ARHGAP44: variants seen among roughly 807,000 people sequenced by gnomAD.
ARHGAP44 encodes the protein Rho GTPase activating protein 44.
ARHGAP44 carries 43 observed loss-of-function variants against 106.8 expected under a neutral mutation model. That is an observed-to-expected ratio of 0.40 (90% CI 0.32 to 0.52). The LOEUF (loss-of-function observed/expected upper bound fraction) is 0.52. Among genes scored for constraint, ARHGAP44 ranks in the 20% least tolerant of loss-of-function variants. The probability of loss-of-function intolerance (pLI) is 0.48; values close to 1 mark genes in which losing one functional copy is unlikely to be tolerated. For missense variants in ARHGAP44, 866 were observed against 1,050.5 expected, an observed-to-expected ratio of 0.82 and a Z score of 2.43; for synonymous variants, 439 against 410.3, an observed-to-expected ratio of 1.07 and a Z score of -0.85.
In ARHGAP44 at chr17:12,919,832, G is replaced by A; in HGVS notation, c.464+1G>A. The A allele has an allele frequency of 6.2e-7, 1 of 1,611,156 alleles. No individual in the cohort carries two copies. Among genetic ancestry groups the A allele is most frequent in the Non-Finnish European group, 8.5e-7 (1 of 1,178,704 alleles). On this transcript the variant is annotated splice_donor_variant, in intron 6 of 20. Transcript: ENST00000379672. LOFTEE classifies it high-confidence loss of function. ...TGGACATGGATTCCTCACGAACCAG[G>A]TAGAATCTCTTTACTTTCTTTTTTG... is the stretch of plus-strand genomic sequence containing the variant.
intron 1 of ARHGAP44, among the ~76,000 whole-genome samples, chr17:12,892,804 TTG>T (rs201706547): frequency 0.048 from 7,014 of 146,910 alleles, 227 homozygotes; most frequent in Admixed American, 0.08. Flanking sequence ...TTTTTTTTTT[TTG>T]TCAATTAGAT....
chr17:12,888,732 A>G (rs1313972459), intron 1 of ARHGAP44, among the ~76,000 whole-genome samples: 2 of 152,090 alleles, frequency 1.3e-5, no homozygotes, highest in African/African-American at 2.4e-5. Context: ...TCTTCTTTTC[A>G]TTGTATCAGT....
chr17:12,958,636 T>C lies in ARHGAP44; in HGVS notation c.1343-81T>C. On this transcript the variant is annotated intron_variant, in intron 15 of 20. Coordinates refer to ENST00000379672, the MANE Select transcript of ARHGAP44 (RefSeq NM_014859.6). The surrounding 1 kb of genome is among the most constrained non-coding windows in gnomAD (Gnocchi z 4.1). ...TAGGGATGACATACGAGGGAGTGGG[T>C]GTCTGGACTCATTCCTCCCCTGCCC... The C allele has an allele frequency of 7.4e-7, 1 of 1,342,366 alleles. No individual in the cohort carries two copies. The highest frequency in any genetic ancestry group is 1.0e-6 in the Non-Finnish European group (1 of 956,664). 83.2% of individuals were successfully genotyped at this position (1,342,366 alleles called of 1,614,324 possible).
At chr17:12,931,469 G>A (rs946807773) in intron 7 of ARHGAP44, among the ~76,000 whole-genome samples, 2 of 151,886 alleles carry the variant, frequency 1.3e-5, no homozygotes, top group African/African-American at 4.8e-5. Flanking sequence ...CTCTAGGTTA[G>A]TAGCTGTAGT....
intron 3 of ARHGAP44, among the ~76,000 whole-genome samples, chr17:12,903,115 A>AGAGAGAGAGAG: frequency 1.3e-5 from 1 of 78,316 alleles, no homozygotes; most frequent in South Asian, 6.2e-4. Context: ...AGAGAGAGAG[A>AGAGAGAGAGAG]GAGAGAGAGA....
At chr17:12,809,744 G>A (rs887542735) in intron 1 of ARHGAP44, among the ~76,000 whole-genome samples, 2 of 152,152 alleles carry the variant, frequency 1.3e-5, no homozygotes, top group Non-Finnish European at 2.9e-5. Context: ...CGCAGTCAAA[G>A]TGAGATAATG....
At chr17:12,973,243 T>A in intron 16 of ARHGAP44, 59 bp from the exon 17 acceptor site, 1 of 1,562,822 alleles carries the variant, frequency 6.4e-7, no homozygotes, top group Non-Finnish European at 8.7e-7. Flanking sequence ...ACAACCTTTA[T>A]GTCCAAAGGA....
chr17:12,866,043 G>C (rs954160247), intron 1 of ARHGAP44, among the ~76,000 whole-genome samples: 3 of 152,128 alleles, frequency 2.0e-5, no homozygotes, highest in South Asian at 4.2e-4. Context: ...ACTCAAGAGT[G>C]GGGTGGGAGT....
In ARHGAP44 at chr17:12,941,141, G is replaced by A. The variant is rs767563775; in HGVS notation, c.651+17G>A. 6.2e-7 allele frequency: 1 copy of A among 1,612,620 alleles called. No homozygotes were observed. The highest frequency in any genetic ancestry group is 1.1e-5 in the South Asian group (1 of 91,052). On this transcript the variant is annotated intron_variant, in intron 8 of 20. Transcript: ENST00000379672. Reference sequence around the variant, plus strand: ...TTTCAAACGGTAAGTGCCCAGAAAGGTGAGATTGCTTAAAGGCTGTTCGTA... The same window carrying A: ...TTTCAAACGGTAAGTGCCCAGAAAGATGAGATTGCTTAAAGGCTGTTCGTA...
At chr17:12,902,126 C>T (rs1473588804) in intron 3 of ARHGAP44, among the ~76,000 whole-genome samples, 1 of 152,160 alleles carries the variant, frequency 6.6e-6, no homozygotes, top group Non-Finnish European at 1.5e-5. Flanking sequence ...AGAATAAAAT[C>T]TGAACTCCTT....
intron 3 of ARHGAP44, among the ~76,000 whole-genome samples, chr17:12,899,800 T>G (rs1274947127): frequency 6.6e-6 from 1 of 152,130 alleles, no homozygotes; most frequent in East Asian, 1.9e-4. Flanking sequence ...CTTGAGCACA[T>G]GTAAGTTGCT....
intron 1 of ARHGAP44, among the ~76,000 whole-genome samples, chr17:12,872,725 T>C (rs1205147102): frequency 1.3e-5 from 2 of 152,196 alleles, no homozygotes; most frequent in Non-Finnish European, 2.9e-5. Context: ...TTGAGGACTT[T>C]TGTGTCTCTT....
At chr17:12,943,773 CA>C in intron 9 of ARHGAP44, 104 bp downstream of exon 9, 1 of 1,232,464 alleles carries the variant, frequency 8.1e-7, no homozygotes, top group African/African-American at 1.5e-5. Flanking sequence ...CTCTGCCCAA[CA>C]GCATCACCTG....
Position 12,985,042 on chromosome 17 carries a change from A to G in ARHGAP44, c.2317+134A>G, listed in dbSNP as rs981913163. 20 of 1,160,146 alleles carry G rather than the reference A, an allele frequency of 1.7e-5. No individual in the cohort carries two copies. In the African/African-American group the frequency reaches 3.1e-4, roughly 18 times the overall value. 71.9% of individuals were successfully genotyped at this position (1,160,146 alleles called of 1,614,324 possible). On this transcript the variant is annotated intron_variant, in intron 20 of 20. Coordinates refer to ENST00000379672, the MANE Select transcript of ARHGAP44 (RefSeq NM_014859.6). ...GGATGACTGGGCTGGCACCAGGGGT[A>G]GCTCATAAGATCTCCTTAGAAGCCC...
intron 6 of ARHGAP44, among the ~76,000 whole-genome samples, chr17:12,926,211 A>G (rs2038223668): frequency 1.3e-5 from 2 of 151,934 alleles, no homozygotes; most frequent in East Asian, 1.9e-4. Flanking sequence ...CTAAAAATAC[A>G]AAAATTAGCT....
At chr17:12,841,648 AAAC>A (rs1245560784) in intron 1 of ARHGAP44, among the ~76,000 whole-genome samples, 48 of 150,718 alleles carry the variant, frequency 3.2e-4, no homozygotes, top group African/African-American at 9.6e-4. Flanking sequence ...ACAAACAAAC[AAAC>A]AAAAACCACA....
chr17:12,922,505 C>T (rs893993066), intron 6 of ARHGAP44, among the ~76,000 whole-genome samples: 1 of 152,158 alleles, frequency 6.6e-6, no homozygotes, highest in Admixed American at 6.5e-5. Flanking sequence ...TGCTCCTGGG[C>T]AGAGTGACAT....
chr17:12,916,066 G>A, intron 5 of ARHGAP44, 55 bp downstream of exon 5: 1 of 1,382,930 alleles, frequency 7.2e-7, no homozygotes, highest in African/African-American at 1.4e-5. Flanking sequence ...CCGAACAGGA[G>A]CCCCTCAATC....
intron 1 of ARHGAP44, among the ~76,000 whole-genome samples, chr17:12,800,038 T>C (rs1216653989): frequency 6.6e-6 from 1 of 152,226 alleles, no homozygotes; most frequent in African/African-American, 2.4e-5. Flanking sequence ...TATGGGGTTA[T>C]TGTCAAGGTT....
Sources: allele counts gnomAD v4.1 joint callset (sites outside exome capture counted in the v4.1 genomes callset), GRCh38; gene constraint gnomAD v4.1.1; non-coding constraint Gnocchi (gnomAD v3.1); transcripts MANE v1.5; gene names NCBI Gene and HGNC (gene_info 2026-07-23, HGNC 2026-07-21).